Variants in RPS6KC1 observed in about 807,000 individuals in gnomAD.
RPS6KC1 encodes the protein inactive ribosomal protein S6 kinase delta-1.
In RPS6KC1, 54 loss-of-function variants were observed where a neutral mutation model predicts 103.8. The ratio of observed to expected loss-of-function variants is 0.52; its 90% CI spans 0.42 to 0.65. The LOEUF is 0.65. Among genes scored for constraint, RPS6KC1 ranks in the 30% least tolerant of loss-of-function variants. The pLI, the probability that RPS6KC1 is intolerant of heterozygous loss-of-function variation, is 0.00. For synonymous variants in RPS6KC1, 439 were observed against 438.7 expected, an observed-to-expected ratio of 1.00 and a Z score of -0.01; for missense variants, 1,151 against 1,253.8, an observed-to-expected ratio of 0.92 and a Z score of 1.24.
the RPS6KC1 span, among the ~76,000 whole-genome samples, chr1:213,796,835 G>C: frequency 6.6e-6 from 1 of 152,152 alleles, no homozygotes; most frequent in Non-Finnish European, 1.5e-5. Flanking sequence ...AGAGGAAATA[G>C]ATAGGTTTTC....
the RPS6KC1 span, among the ~76,000 whole-genome samples, chr1:213,432,811 A>G: frequency 1.3e-5 from 2 of 151,320 alleles, no homozygotes; most frequent in East Asian, 1.9e-4. Context: ...GTTGTTCAGT[A>G]TATTGATATT....
the RPS6KC1 span, among the ~76,000 whole-genome samples, chr1:213,411,928 T>C: frequency 1.3e-5 from 2 of 152,206 alleles, no homozygotes; most frequent in Admixed American, 6.5e-5. Flanking sequence ...AGCAAGAGGC[T>C]TGGTGAGTTG....
chr1:213,511,181 C>CTT, the RPS6KC1 span, among the ~76,000 whole-genome samples: 1 of 147,622 alleles, frequency 6.8e-6, no homozygotes, highest in Non-Finnish European at 1.5e-5. Flanking sequence ...TGAGGAATGT[C>CTT]TTTTTTTTTT....
chr1:213,649,610 A>G, the RPS6KC1 span, among the ~76,000 whole-genome samples: 1 of 151,934 alleles, frequency 6.6e-6, no homozygotes, highest in Non-Finnish European at 1.5e-5. Context: ...CCCACCAGGT[A>G]GAAATGGCCA....
At chr1:213,454,724 G>C in the RPS6KC1 span, among the ~76,000 whole-genome samples, 3 of 152,198 alleles carry the variant, frequency 2.0e-5, no homozygotes, top group African/African-American at 7.2e-5. Context: ...TTCCTAATCA[G>C]AACTGCACCT....
At chr1:213,858,425 TG>T in the RPS6KC1 span, among the ~76,000 whole-genome samples, 1 of 151,864 alleles carries the variant, frequency 6.6e-6, no homozygotes, top group African/African-American at 2.4e-5. Flanking sequence ...AGTCACATGT[TG>T]GGGGGGCGGT....
chr1:213,169,575 A>G (rs1174268322), intron 7 of RPS6KC1, among the ~76,000 whole-genome samples: 1 of 152,032 alleles, frequency 6.6e-6, no homozygotes, highest in Non-Finnish European at 1.5e-5. Flanking sequence ...TAAGTGGAAT[A>G]TTTATGTAAA....
chr1:213,306,430 G>C, the RPS6KC1 span, among the ~76,000 whole-genome samples: 1 of 152,208 alleles, frequency 6.6e-6, no homozygotes, highest in African/African-American at 2.4e-5. Flanking sequence ...AATAGGGAAT[G>C]ATGAGAGCAT....
chr1:213,267,389 C>A (rs1461899342), intron 14 of RPS6KC1, among the ~76,000 whole-genome samples: 2 of 151,740 alleles, frequency 1.3e-5, no homozygotes, highest in Non-Finnish European at 2.9e-5. Context: ...AAACAAGTTA[C>A]CAAACAAAGA....
the RPS6KC1 span, among the ~76,000 whole-genome samples, chr1:213,735,679 G>T: frequency 2.0e-5 from 3 of 152,228 alleles, no homozygotes; most frequent in Admixed American, 1.3e-4. Flanking sequence ...ACAAATGAAG[G>T]GGGAGGAGGA....
At chr1:213,388,432 C>T in the RPS6KC1 span, among the ~76,000 whole-genome samples, 1 of 152,240 alleles carries the variant, frequency 6.6e-6, no homozygotes, top group African/African-American at 2.4e-5. Context: ...CAGCCAACAG[C>T]CACTCAGGTG....
chr1:213,714,033 G>C, the RPS6KC1 span, among the ~76,000 whole-genome samples: 21,767 of 152,208 alleles, frequency 0.14, 1,859 homozygotes, highest in African/African-American at 0.24. Flanking sequence ...TGCCTTGGCA[G>C]ATGATAACAG....
the RPS6KC1 span, among the ~76,000 whole-genome samples, chr1:213,284,470 A>G: frequency 1.3e-5 from 2 of 152,052 alleles, no homozygotes. Context: ...AGATCTTGCC[A>G]CTGCACTCTA....
At chr1:213,549,541 A>G in the RPS6KC1 span, among the ~76,000 whole-genome samples, 3 of 151,930 alleles carry the variant, frequency 2.0e-5, no homozygotes, top group African/African-American at 7.3e-5. Context: ...TTAATTCATC[A>G]AAGTAGGGCA....
the RPS6KC1 span, among the ~76,000 whole-genome samples, chr1:213,333,166 C>T: frequency 2.0e-5 from 3 of 152,176 alleles, no homozygotes; most frequent in Non-Finnish European, 4.4e-5. Flanking sequence ...GCTATTCCGG[C>T]ATTTCTCTTG....
At chr1:213,741,044 T>C in the RPS6KC1 span, among the ~76,000 whole-genome samples, 1 of 146,590 alleles carries the variant, frequency 6.8e-6, no homozygotes, top group Non-Finnish European at 1.5e-5. Context: ...ACATATACAA[T>C]ATAAAAATAA....
At chr1:213,783,406 C>G in the RPS6KC1 span, among the ~76,000 whole-genome samples, 3 of 152,196 alleles carry the variant, frequency 2.0e-5, no homozygotes, top group Non-Finnish European at 2.9e-5. Flanking sequence ...GCCGAACCCT[C>G]TGCTGGGATA....
the RPS6KC1 span, among the ~76,000 whole-genome samples, chr1:213,696,502 C>CAAAAAAAAA: frequency 1.7e-4 from 20 of 120,930 alleles, no homozygotes; most frequent in African/African-American, 8.1e-4. Context: ...AACTCCGTCT[C>CAAAAAAAAA]AAAAAAAAAA....
chr1:213,442,809 T>C, the RPS6KC1 span, among the ~76,000 whole-genome samples: 1 of 152,178 alleles, frequency 6.6e-6, no homozygotes, highest in African/African-American at 2.4e-5. Flanking sequence ...GGGGACGCTG[T>C]GTTCCTACAT....
Sources: gnomAD v4.1 joint callset for allele counts (sites outside exome capture counted in the v4.1 genomes callset) on GRCh38, gnomAD v4.1.1 for gene constraint, MANE v1.5 for transcripts, NCBI Gene and HGNC (gene_info 2026-07-23, HGNC 2026-07-21) for gene names.